The following RBFOX1 variants were observed in gnomAD, a reference collection of about 807,000 sequenced individuals.
RBFOX1 encodes the protein RNA binding fox-1 homolog 1.
Under a neutral mutation model 57.7 loss-of-function variants are expected in RBFOX1, and 8 were observed. The ratio of observed to expected loss-of-function variants is 0.14; its 90% CI spans 0.08 to 0.25. The LOEUF (loss-of-function observed/expected upper bound fraction) is 0.25, where lower values mean the gene tolerates loss of function less well. Ranked by LOEUF, RBFOX1 falls within the 10% of genes least tolerant of loss-of-function variation. The probability of loss-of-function intolerance (pLI) is 1.00; values close to 1 mark genes in which losing one functional copy is unlikely to be tolerated. For synonymous variants in RBFOX1, 326 were observed against 222.4 expected (o/e 1.47, Z -4.15); for missense variants, 611 against 548.5 (o/e 1.11, Z -1.14).
At chr16:6,033,983 T>G (rs939609904) in intron 1 of RBFOX1, among the ~76,000 whole-genome samples, 4 of 152,048 alleles carry the variant, frequency 2.6e-5, no homozygotes, top group African/African-American at 9.7e-5. Context: ...CTATTGGAAG[T>G]GTCTTAGTCT....
At chr16:5,273,585 C>T (rs2063069227) in intron 1 of RBFOX1, among the ~76,000 whole-genome samples, 1 of 152,104 alleles carries the variant, frequency 6.6e-6, no homozygotes, top group South Asian at 2.1e-4. Flanking sequence ...AAGGAGCTGC[C>T]ATCTGTGTTT....
intron 1 of RBFOX1, among the ~76,000 whole-genome samples, chr16:6,152,600 A>G (rs1220837121): frequency 6.6e-6 from 1 of 152,208 alleles, no homozygotes; most frequent in East Asian, 1.9e-4. Context: ...GTGGCAGGTC[A>G]TGAATCTAAT....
chr16:6,380,671 T>A (rs971484356), intron 2 of RBFOX1, among the ~76,000 whole-genome samples: 2 of 152,096 alleles, frequency 1.3e-5, no homozygotes, highest in Admixed American at 6.5e-5. Context: ...ATCATGAGTG[T>A]CCTTGAACAA....
chr16:7,117,884 C>T (rs908031935), intron 4 of RBFOX1, among the ~76,000 whole-genome samples: 67 of 152,104 alleles, frequency 4.4e-4, no homozygotes, highest in African/African-American at 1.4e-3. Context: ...CTGCAGGATT[C>T]GTGGCTGCTT....
chr16:5,502,927 C>A (rs1365906561), intron 2 of RBFOX1, among the ~76,000 whole-genome samples: 1 of 152,214 alleles, frequency 6.6e-6, no homozygotes, highest in Non-Finnish European at 1.5e-5. Flanking sequence ...ACTCCCCCTG[C>A]AGAGGAAATT....
intron 2 of RBFOX1, among the ~76,000 whole-genome samples, chr16:5,478,171 C>T (rs961890167): frequency 4.6e-5 from 7 of 152,064 alleles, no homozygotes; most frequent in Admixed American, 6.5e-5. Context: ...CTCAGCTTGG[C>T]GGAGTAAATT....
intron 4 of RBFOX1, among the ~76,000 whole-genome samples, chr16:7,415,576 G>T (rs1192665967): frequency 6.6e-6 from 1 of 152,108 alleles, no homozygotes; most frequent in Non-Finnish European, 1.5e-5. Flanking sequence ...GTGATTTGGG[G>T]TGACACACAA....
chr16:7,443,750 C>G (rs1047478916), intron 4 of RBFOX1, among the ~76,000 whole-genome samples: 6 of 152,146 alleles, frequency 3.9e-5, no homozygotes, highest in Non-Finnish European at 8.8e-5. Flanking sequence ...AAACCGAAAA[C>G]TTTGAGAGTT....
intron 4 of RBFOX1, among the ~76,000 whole-genome samples, chr16:7,064,254 C>T (rs531211187): frequency 5.3e-5 from 8 of 150,944 alleles, no homozygotes; most frequent in African/African-American, 9.8e-5. Context: ...CTGCAACTTC[C>T]GCCTCCCAGG....
At chr16:5,298,583 TTCCCC>T (rs1380315201) in intron 1 of RBFOX1, among the ~76,000 whole-genome samples, 2 of 5,100 alleles carry the variant, frequency 3.9e-4, no homozygotes, top group Non-Finnish European at 3.1e-4. Flanking sequence ...TTCCCCTCCC[TTCCCC>T]TCCCCTCCCC....
At chr16:6,431,662 T>TAAG (rs2094089498) in intron 2 of RBFOX1, among the ~76,000 whole-genome samples, 1 of 152,072 alleles carries the variant, frequency 6.6e-6, no homozygotes, top group Non-Finnish European at 1.5e-5. Flanking sequence ...TTACAAGGAC[T>TAAG]TGGGCACTTA....
At chr16:6,662,804 T>C (rs1158172813) in intron 3 of RBFOX1, among the ~76,000 whole-genome samples, 1 of 106,156 alleles carries the variant, frequency 9.4e-6, no homozygotes, top group Non-Finnish European at 2.0e-5. Context: ...TTTCTACATA[T>C]GACAAAAAAA....
intron 3 of RBFOX1, among the ~76,000 whole-genome samples, chr16:7,012,243 A>T (rs975425477): frequency 6.6e-6 from 1 of 152,204 alleles, no homozygotes; most frequent in Non-Finnish European, 1.5e-5. Flanking sequence ...CATCAGCAAG[A>T]TGAAAGAAAT....
chr16:5,300,028 C>CT (rs893455212), intron 1 of RBFOX1, among the ~76,000 whole-genome samples: 18 of 140,862 alleles, frequency 1.3e-4, no homozygotes, highest in East Asian at 2.1e-4. Context: ...TTGTCAAATG[C>CT]TTTTTTTTTT....
At chr16:5,849,164 T>C (rs1398487611) in intron 3 of RBFOX1, among the ~76,000 whole-genome samples, 2 of 151,954 alleles carry the variant, frequency 1.3e-5, no homozygotes, top group African/African-American at 4.8e-5. Context: ...ATTGAACTCA[T>C]ATTTCTTCTT....
At chr16:6,415,242 CAAAA>C (rs57296761) in intron 2 of RBFOX1, among the ~76,000 whole-genome samples, 1,218 of 102,070 alleles carry the variant, frequency 0.012, 20 homozygotes, top group African/African-American at 0.045. Flanking sequence ...AACTCTGTCA[CAAAA>C]AAAAAAAAAA....
intron 3 of RBFOX1, among the ~76,000 whole-genome samples, chr16:6,818,931 A>G (rs1478922422): frequency 6.6e-6 from 1 of 152,230 alleles, no homozygotes; most frequent in African/African-American, 2.4e-5. Context: ...AACTGATAGA[A>G]TGAAGTCGAA....
chr16:6,044,329 G>A (rs990975), intron 1 of RBFOX1, among the ~76,000 whole-genome samples: 1 of 152,040 alleles, frequency 6.6e-6, no homozygotes, highest in African/African-American at 2.4e-5. Flanking sequence ...AGCTTTGTGC[G>A]TTCTTAACCA....
chr16:6,097,044 A>G lies in RBFOX1; in HGVS notation c.-127+77052A>G, dbSNP rs956794489. ...TGAGGGACTTCGTGGGAGATAACTGAATCATGGGGGTGGTTTCCCCCATAC... is the reference window on the plus strand; with the variant it reads ...TGAGGGACTTCGTGGGAGATAACTGGATCATGGGGGTGGTTTCCCCCATAC... On this transcript the variant is annotated intron_variant, in intron 1 of 15. Coordinates refer to ENST00000550418, the MANE Select transcript of RBFOX1 (RefSeq NM_018723.4). The surrounding 1 kb of genome is among the most constrained non-coding windows in gnomAD (Gnocchi z 5.0). Among the ~76,000 whole-genome samples the G allele has an allele frequency of 6.6e-6, 1 of 152,124 alleles. No homozygotes were observed. The highest frequency in any genetic ancestry group is 2.4e-5 in the African/African-American group (1 of 41,442).
Sources: allele counts gnomAD v4.1 joint callset (sites outside exome capture counted in the v4.1 genomes callset), GRCh38; gene constraint gnomAD v4.1.1; non-coding constraint Gnocchi (gnomAD v3.1); transcripts MANE v1.5; gene names NCBI Gene and HGNC (gene_info 2026-07-23, HGNC 2026-07-21).